MNAT1: variants seen among roughly 807,000 people sequenced by gnomAD.
The protein encoded by MNAT1 is CDK-activating kinase assembly factor MAT1.
MNAT1 carries 43 observed loss-of-function variants against 42.0 expected under a neutral mutation model. That is an observed-to-expected ratio of 1.02 (90% CI 0.80 to 1.32). The LOEUF (loss-of-function observed/expected upper bound fraction) is 1.32, where lower values mean the gene tolerates loss of function less well. MNAT1 is among the 40% of genes most tolerant of loss of function. The probability of loss-of-function intolerance (pLI) is 0.00; values close to 1 mark genes in which losing one functional copy is unlikely to be tolerated. For synonymous variants in MNAT1, 118 were observed against 120.0 expected, an observed-to-expected ratio of 0.98 and a Z score of 0.11; for missense variants, 306 against 350.4, an observed-to-expected ratio of 0.87 and a Z score of 1.01.
intron 1 of MNAT1, among the ~76,000 whole-genome samples, chr14:60,754,857 T>C (rs1257970958): frequency 6.6e-6 from 1 of 152,224 alleles, no homozygotes; most frequent in African/African-American, 2.4e-5. Context: ...TGTCATTGAC[T>C]AAGGTCTGGA....
intron 7 of MNAT1, among the ~76,000 whole-genome samples, chr14:60,901,013 CAAAAAA>C (rs56345746): frequency 1.4e-4 from 5 of 36,576 alleles, no homozygotes; most frequent in Non-Finnish European, 1.7e-4. Flanking sequence ...GAGCCTGTCT[CAAAAAA>C]AAAAAAAAAA....
intron 1 of MNAT1, among the ~76,000 whole-genome samples, chr14:60,738,093 A>G (rs1320183558): frequency 1.3e-5 from 2 of 151,556 alleles, no homozygotes; most frequent in Admixed American, 6.6e-5. Flanking sequence ...AAAAAAAAAA[A>G]AAAAGATCTT....
In MNAT1 at chr14:60,879,847, A is replaced by T; in HGVS notation, c.809+12A>T. ...CTAGGAAGACTTGGGTATGTGTCCT[A>T]AAGAACTTTACATTGAGGAGCTGAT... On this transcript the variant is annotated intron_variant, in intron 7 of 7. Coordinates refer to ENST00000261245, the MANE Select transcript of MNAT1 (RefSeq NM_002431.4). The T allele has an allele frequency of 6.2e-7, 1 of 1,608,680 alleles. No homozygotes were observed. The highest frequency in any genetic ancestry group is 8.5e-7 in the Non-Finnish European group (1 of 1,177,962).
chr14:60,883,213 G>A (rs2034590179), intron 7 of MNAT1, among the ~76,000 whole-genome samples: 1 of 152,028 alleles, frequency 6.6e-6, no homozygotes, highest in African/African-American at 2.4e-5. Context: ...AATAGTTTGA[G>A]GTCTTAGATT....
chr14:60,846,698 T>G (rs972487802), intron 6 of MNAT1, among the ~76,000 whole-genome samples: 6 of 152,190 alleles, frequency 3.9e-5, no homozygotes, highest in Non-Finnish European at 7.4e-5. Context: ...TAATTCCACT[T>G]TGGTTTGAGG....
intron 7 of MNAT1, among the ~76,000 whole-genome samples, chr14:60,883,001 T>C (rs769750175): frequency 6.6e-6 from 1 of 152,150 alleles, no homozygotes; most frequent in African/African-American, 2.4e-5. Flanking sequence ...GTCAGATGGG[T>C]AGTTTGAAAA....
At chr14:60,922,298 A>G (rs1251650590) in intron 7 of MNAT1, among the ~76,000 whole-genome samples, 1 of 152,118 alleles carries the variant, frequency 6.6e-6, no homozygotes, top group Non-Finnish European at 1.5e-5. Flanking sequence ...CTCATGATGT[A>G]AAGGAGAAAT....
chr14:60,912,524 C>G (rs2035395347), intron 7 of MNAT1, among the ~76,000 whole-genome samples: 1 of 152,124 alleles, frequency 6.6e-6, no homozygotes, highest in African/African-American at 2.4e-5. Context: ...CTGGTGGTGA[C>G]AAAATCTCTC....
intron 5 of MNAT1, among the ~76,000 whole-genome samples, chr14:60,812,738 T>A (rs960109154): frequency 6.6e-6 from 1 of 152,198 alleles, no homozygotes; most frequent in Non-Finnish European, 1.5e-5. Flanking sequence ...ATCCTGTGCC[T>A]ATAAAGACCC....
intron 6 of MNAT1, among the ~76,000 whole-genome samples, chr14:60,852,474 A>G (rs1408084698): frequency 1.3e-5 from 2 of 151,842 alleles, no homozygotes; most frequent in African/African-American, 4.8e-5. Context: ...GATTACAGAA[A>G]TTTTCTCCCA....
At chr14:60,813,145 G>A (rs1456401729) in intron 5 of MNAT1, among the ~76,000 whole-genome samples, 1 of 152,228 alleles carries the variant, frequency 6.6e-6, no homozygotes, top group African/African-American at 2.4e-5. Context: ...TCCCCTTGAG[G>A]CAACATGCCT....
At chr14:60,868,234 T>C (rs893234290) in intron 6 of MNAT1, among the ~76,000 whole-genome samples, 3 of 152,194 alleles carry the variant, frequency 2.0e-5, no homozygotes, top group Admixed American at 6.5e-5. Context: ...AATAGACATA[T>C]ATGTATGTGT....
chr14:60,753,342 CAAAT>C (rs1299379385), intron 1 of MNAT1, among the ~76,000 whole-genome samples: 2 of 152,096 alleles, frequency 1.3e-5, no homozygotes, highest in East Asian at 3.8e-4. Flanking sequence ...AAAAACAAAA[CAAAT>C]AAGAATTGAA....
chr14:60,778,699 C>G (rs531446281), intron 1 of MNAT1, among the ~76,000 whole-genome samples: 44 of 152,302 alleles, frequency 2.9e-4, no homozygotes, highest in African/African-American at 1.1e-3. Flanking sequence ...ACTCATACTG[C>G]TCCACCTATA....
At chr14:60,949,852 C>T (rs1180490681) in intron 7 of MNAT1, among the ~76,000 whole-genome samples, 1 of 152,070 alleles carries the variant, frequency 6.6e-6, no homozygotes, top group Non-Finnish European at 1.5e-5. Context: ...GAAGAAAGTA[C>T]AAGTTTTCTG....
intron 1 of MNAT1, among the ~76,000 whole-genome samples, chr14:60,764,285 A>G (rs1051397072): frequency 5.9e-5 from 9 of 152,218 alleles, no homozygotes; most frequent in Non-Finnish European, 1.0e-4. Flanking sequence ...ATACTTATGT[A>G]CTTAAAATAC....
At chr14:60,769,284 A>T (rs933526800) in intron 1 of MNAT1, among the ~76,000 whole-genome samples, 1 of 151,538 alleles carries the variant, frequency 6.6e-6, no homozygotes, top group African/African-American at 2.4e-5. Flanking sequence ...GATATATTTT[A>T]AAAAATTTGA....
At chr14:60,803,494 C>G (rs2032273776) in intron 3 of MNAT1, among the ~76,000 whole-genome samples, 1 of 151,996 alleles carries the variant, frequency 6.6e-6, no homozygotes, top group African/African-American at 2.4e-5. Context: ...GTATTGTGCC[C>G]AAGACTGCAT....
chr14:60,761,649 C>G (rs1054151034), intron 1 of MNAT1, among the ~76,000 whole-genome samples: 9 of 152,220 alleles, frequency 5.9e-5, no homozygotes, highest in African/African-American at 2.2e-4. Context: ...TCCTTTATTG[C>G]ATGTTTCTTT....
Sources: gnomAD v4.1 joint callset for allele counts (sites outside exome capture counted in the v4.1 genomes callset) on GRCh38, gnomAD v4.1.1 for gene constraint, MANE v1.5 for transcripts, NCBI Gene and HGNC (gene_info 2026-07-23, HGNC 2026-07-21) for gene names.